Variants in SLC16A7 observed in about 807,000 individuals in gnomAD.
SLC16A7 encodes the protein solute carrier family 16 member 7.
Under a neutral mutation model 34.9 loss-of-function variants are expected in SLC16A7, and 33 were observed. The observed-to-expected ratio is 0.94, with a 90% CI of 0.72 to 1.26. The LOEUF (loss-of-function observed/expected upper bound fraction) is 1.26, where lower values mean the gene tolerates loss of function less well. Ranked by LOEUF, SLC16A7 falls within the 50% of genes most tolerant of loss-of-function variation. The probability of loss-of-function intolerance (pLI) is 0.00; values close to 1 mark genes in which losing one functional copy is unlikely to be tolerated. For missense variants in SLC16A7, 573 were observed against 578.1 expected (o/e 0.99, Z 0.09); for synonymous variants, 201 against 206.6 (o/e 0.97, Z 0.23).
intron 2 of SLC16A7, among the ~76,000 whole-genome samples, chr12:59,674,719 A>G (rs1870163323): frequency 1.3e-5 from 2 of 152,202 alleles, no homozygotes; most frequent in South Asian, 4.1e-4. Flanking sequence ...CAGGAGATCT[A>G]TGTTCCAATA....
intron 2 of SLC16A7, among the ~76,000 whole-genome samples, chr12:59,691,980 A>G (rs1592506822): frequency 6.6e-6 from 1 of 152,138 alleles, no homozygotes; most frequent in Non-Finnish European, 1.5e-5. Context: ...CAGTCGTAGC[A>G]AACTACTACA....
chr12:59,697,515 T>A (rs1044541379), intron 2 of SLC16A7, among the ~76,000 whole-genome samples: 2 of 151,954 alleles, frequency 1.3e-5, no homozygotes, highest in African/African-American at 4.8e-5. Flanking sequence ...ATGCTTCCAT[T>A]TTTAGTCCTT....
At chr12:59,704,708 T>C in intron 2 of SLC16A7, 64 bp from the exon 3 acceptor site, 5 of 786,994 alleles carry the variant, frequency 6.4e-6, no homozygotes, top group Non-Finnish European at 8.3e-6. Context: ...TTTTAGTGAC[T>C]ATGAAGAGTG....
intron 2 of SLC16A7, among the ~76,000 whole-genome samples, chr12:59,656,872 G>A (rs1868563956): frequency 6.6e-6 from 1 of 151,920 alleles, no homozygotes; most frequent in Non-Finnish European, 1.5e-5. Context: ...AACCCTGCCT[G>A]TTCTTATTAA....
chr12:59,601,757 G>A (rs1414322688), intron 1 of SLC16A7, among the ~76,000 whole-genome samples: 16 of 152,208 alleles, frequency 1.1e-4, no homozygotes, highest in Non-Finnish European at 2.4e-4. Flanking sequence ...CCTCTTCTGG[G>A]TTGTAGACTG....
intron 3 of SLC16A7, among the ~76,000 whole-genome samples, chr12:59,723,515 T>C (rs1455154271): frequency 6.6e-6 from 1 of 151,788 alleles, no homozygotes; most frequent in Non-Finnish European, 1.5e-5. Flanking sequence ...ACAGAAGAAA[T>C]AAAAGACAGC....
chr12:59,778,986 A>C (rs570417978), intron 5 of SLC16A7, among the ~76,000 whole-genome samples: 1 of 152,246 alleles, frequency 6.6e-6, no homozygotes, highest in African/African-American at 2.4e-5. Context: ...ACCATGTAAA[A>C]GCCTTTGGGT....
intron 2 of SLC16A7, among the ~76,000 whole-genome samples, chr12:59,703,796 T>TA (rs1873169416): frequency 6.6e-6 from 1 of 152,130 alleles, no homozygotes; most frequent in Non-Finnish European, 1.5e-5. Context: ...AGAAAAGTGG[T>TA]AACTCTATGA....
chr12:59,666,959 G>A (rs1278018151), intron 2 of SLC16A7, among the ~76,000 whole-genome samples: 1 of 152,088 alleles, frequency 6.6e-6, no homozygotes, highest in Non-Finnish European at 1.5e-5. Context: ...CAGAGACTGG[G>A]AAGAAAAAGA....
chr12:59,649,000 A>T (rs947559547), intron 1 of SLC16A7, among the ~76,000 whole-genome samples: 1 of 152,192 alleles, frequency 6.6e-6, no homozygotes, highest in Admixed American at 6.5e-5. Flanking sequence ...AGTGATACAG[A>T]TTAGTGAAGT....
intron 3 of SLC16A7, among the ~76,000 whole-genome samples, chr12:59,730,525 A>AAATAAT (rs142325111): frequency 8.6e-5 from 13 of 151,498 alleles, no homozygotes; most frequent in African/African-American, 2.9e-4. Flanking sequence ...TTGGTAAAGC[A>AAATAAT]AATAATAATA....
intron 1 of SLC16A7, among the ~76,000 whole-genome samples, chr12:59,635,009 C>T (rs1476070363): frequency 6.6e-6 from 1 of 152,030 alleles, no homozygotes; most frequent in African/African-American, 2.4e-5. Context: ...ACTATTCTTT[C>T]ATCTAGTGTT....
intron 2 of SLC16A7, among the ~76,000 whole-genome samples, chr12:59,673,259 A>T (rs376850649): frequency 6.6e-6 from 1 of 152,166 alleles, no homozygotes; most frequent in East Asian, 1.9e-4. Flanking sequence ...ACATTTGCTG[A>T]AATTGATGAA....
chr12:59,639,519 G>C (rs1310712418), intron 1 of SLC16A7, among the ~76,000 whole-genome samples: 3 of 152,082 alleles, frequency 2.0e-5, no homozygotes, highest in African/African-American at 7.2e-5. Context: ...AAGTAGCTGG[G>C]ACGAGAGATG....
intron 3 of SLC16A7, among the ~76,000 whole-genome samples, chr12:59,751,281 C>A (rs182667532): frequency 6.6e-6 from 1 of 152,212 alleles, no homozygotes; most frequent in Non-Finnish European, 1.5e-5. Flanking sequence ...GCACCGTGTG[C>A]GAGCCGAAGC....
chr12:59,620,502 T>C (rs1247126201), intron 1 of SLC16A7, among the ~76,000 whole-genome samples: 2 of 151,998 alleles, frequency 1.3e-5, no homozygotes, highest in Non-Finnish European at 2.9e-5. Flanking sequence ...ATAGTATTTA[T>C]TTTTGCATTT....
intron 2 of SLC16A7, among the ~76,000 whole-genome samples, chr12:59,692,998 A>G (rs1217706819): frequency 2.6e-5 from 4 of 152,022 alleles, no homozygotes; most frequent in African/African-American, 4.8e-5. Context: ...TGATGTTGCT[A>G]TATCCTTTTG....
Position 59,766,600 on chromosome 12 carries a change from T to G in SLC16A7, c.218-4619T>G, listed in dbSNP as rs571010640. Among the ~76,000 whole-genome samples the G allele has an allele frequency of 6.6e-5, 10 of 152,338 alleles. No individual in the cohort carries two copies. The South Asian group carries it at 1.9e-3, about 28-fold the overall frequency. Reference sequence around the variant, plus strand: ...TCTATTGAGATAATCATGTGGTTTTTGTCTTTGGTTCTGTTTATATGCTGG... The same window carrying G: ...TCTATTGAGATAATCATGTGGTTTTGGTCTTTGGTTCTGTTTATATGCTGG... On this transcript the variant is annotated intron_variant, in intron 3 of 5. Transcript: ENST00000547379.
chr12:59,727,170 A>ATATATATATATATATATAAT (rs1555174538), intron 3 of SLC16A7, among the ~76,000 whole-genome samples: 2 of 144,378 alleles, frequency 1.4e-5, no homozygotes, highest in African/African-American at 5.3e-5. Flanking sequence ...ATATATATAT[A>ATATATATATATATATATAAT]ATATATATAT....
Sources: allele counts gnomAD v4.1 joint callset (sites outside exome capture counted in the v4.1 genomes callset), GRCh38; gene constraint gnomAD v4.1.1; transcripts MANE v1.5; gene names NCBI Gene and HGNC (gene_info 2026-07-23, HGNC 2026-07-21).